Variants in RAD51B observed in about 807,000 individuals in gnomAD.
RAD51B encodes the protein RAD51 paralog B, also known as DNA repair protein RAD51 homolog 2.
RAD51B carries 38 observed loss-of-function variants against 42.2 expected under a neutral mutation model. The observed-to-expected ratio is 0.90, with a 90% confidence interval of 0.70 to 1.18. The LOEUF is 1.18. RAD51B is among the 50% of genes most tolerant of loss of function. The pLI is 0.00. For missense variants in RAD51B, 373 were observed against 400.7 expected (o/e 0.93, Z 0.59); for synonymous variants, 154 against 145.2 (o/e 1.06, Z -0.43).
chr14:67,928,654 G>A (rs1247225944), intron 7 of RAD51B, among the ~76,000 whole-genome samples: 5 of 151,928 alleles, frequency 3.3e-5, no homozygotes, highest in Admixed American at 3.3e-4. Context: ...GGCAGCAATC[G>A]CCATGTTGGC....
intron 8 of RAD51B, among the ~76,000 whole-genome samples, chr14:68,374,671 A>G (rs531016434): frequency 2.6e-5 from 4 of 151,428 alleles, no homozygotes; most frequent in African/African-American, 9.7e-5. Flanking sequence ...AATTTATCTT[A>G]AATACACGCC....
chr14:68,350,028 T>G lies in RAD51B; in HGVS notation c.853+58048T>G, dbSNP rs190131672. ...TCGGTGTCTTTGAAATCAAATACCC[T>G]GCCATTGGCATATCCAGGCTTGAAA... On this transcript the variant is annotated intron_variant, in intron 8 of 10. Coordinates refer to ENST00000471583, the MANE Select transcript of RAD51B (RefSeq NM_133510.4). Among the ~76,000 whole-genome samples, 26 of 152,342 alleles carry G rather than the reference T, an allele frequency of 1.7e-4. No homozygotes were observed. The East Asian group carries it at 5.0e-3, about 29-fold the overall frequency.
intron 9 of RAD51B, among the ~76,000 whole-genome samples, chr14:68,456,509 T>C (rs1335883033): frequency 6.6e-6 from 1 of 152,162 alleles, no homozygotes; most frequent in African/African-American, 2.4e-5. Flanking sequence ...TTTATAATTA[T>C]AAAAGGATTG....
At chr14:68,272,898 A>T (rs940496170) in intron 7 of RAD51B, among the ~76,000 whole-genome samples, 3 of 150,394 alleles carry the variant, frequency 2.0e-5, no homozygotes, top group Admixed American at 6.6e-5. Context: ...GTTAGCCAGG[A>T]TGGTCTCGAT....
intron 7 of RAD51B, among the ~76,000 whole-genome samples, chr14:68,268,420 G>T (rs2081036428): frequency 6.6e-6 from 1 of 152,216 alleles, no homozygotes; most frequent in Non-Finnish European, 1.5e-5. Flanking sequence ...CTGGTGGTGG[G>T]TTGGAAGAGA....
intron 7 of RAD51B, among the ~76,000 whole-genome samples, chr14:68,286,204 C>T (rs1421704345): frequency 6.6e-6 from 1 of 152,162 alleles, no homozygotes; most frequent in East Asian, 1.9e-4. Flanking sequence ...GGAGAGCAGG[C>T]AGGGAAGCCT....
intron 7 of RAD51B, among the ~76,000 whole-genome samples, chr14:67,986,838 T>A (rs2075202841): frequency 6.6e-6 from 1 of 152,158 alleles, no homozygotes; most frequent in African/African-American, 2.4e-5. Flanking sequence ...TTCAAGTGAT[T>A]CTCATGACTC....
At chr14:68,258,035 C>T (rs1035923204) in intron 7 of RAD51B, among the ~76,000 whole-genome samples, 2 of 151,602 alleles carry the variant, frequency 1.3e-5, no homozygotes, top group African/African-American at 4.9e-5. Flanking sequence ...TTCATAAAAC[C>T]CTGAGAGAAA....
chr14:67,824,712 A>G (rs1755901895), intron 2 of RAD51B, among the ~76,000 whole-genome samples: 1 of 151,942 alleles, frequency 6.6e-6, no homozygotes, highest in African/African-American at 2.4e-5. Flanking sequence ...GAAATTTGTT[A>G]TTTCATCCTA....
At chr14:68,416,125 C>T (rs2084551630) in intron 9 of RAD51B, among the ~76,000 whole-genome samples, 1 of 152,190 alleles carries the variant, frequency 6.6e-6, no homozygotes, top group African/African-American at 2.4e-5. Context: ...CTGATCCACA[C>T]TTGAATCTGT....
chr14:68,306,457 T>C (rs140663082), intron 8 of RAD51B, among the ~76,000 whole-genome samples: 3 of 152,242 alleles, frequency 2.0e-5, no homozygotes, highest in African/African-American at 7.2e-5. Context: ...TCCATGAGAA[T>C]GTGCAGGTCA....
chr14:68,218,848 C>T lies in RAD51B; in HGVS notation c.757-73036C>T, dbSNP rs2079868559. On this transcript the variant is annotated intron_variant, in intron 7 of 10. Transcript: ENST00000471583. Reference sequence around the variant, plus strand: ...AGAGTGTATATATATTATCAAGCCACAATATTACAACCTGACACTATTAGA... The same window carrying T: ...AGAGTGTATATATATTATCAAGCCATAATATTACAACCTGACACTATTAGA... 2.0e-5 allele frequency among the ~76,000 whole-genome samples: 3 copies of T among 152,112 alleles called. No individual in the cohort carries two copies. The South Asian group carries it at 6.2e-4, about 32-fold the overall frequency.
At chr14:68,451,026 G>A (rs528210524) in intron 9 of RAD51B, among the ~76,000 whole-genome samples, 8 of 152,236 alleles carry the variant, frequency 5.3e-5, no homozygotes, top group Non-Finnish European at 8.8e-5. Context: ...TGACTCCTGT[G>A]ATGGTCAGTA....
chr14:68,249,281 G>A (rs902444811), intron 7 of RAD51B, among the ~76,000 whole-genome samples: 1 of 152,162 alleles, frequency 6.6e-6, no homozygotes, highest in Non-Finnish European at 1.5e-5. Flanking sequence ...ATGAACTTGG[G>A]CTGCGGAAAT....
chr14:68,200,858 A>G (rs185558290), intron 7 of RAD51B, among the ~76,000 whole-genome samples: 48 of 151,950 alleles, frequency 3.2e-4, no homozygotes, highest in Non-Finnish European at 3.2e-4. Context: ...AGGTCTCGCT[A>G]TGTTGCCCAG....
At chr14:68,152,972 T>TA (rs1186571360) in intron 7 of RAD51B, among the ~76,000 whole-genome samples, 1 of 152,240 alleles carries the variant, frequency 6.6e-6, no homozygotes, top group Non-Finnish European at 1.5e-5. Context: ...ATAGTGTATA[T>TA]ATATCACATT....
At chr14:68,627,804 C>T (rs956165713) in intron 10 of RAD51B, among the ~76,000 whole-genome samples, 1 of 152,198 alleles carries the variant, frequency 6.6e-6, no homozygotes, top group Admixed American at 6.5e-5. Context: ...CTACTAATTT[C>T]CTCTTCTTTC....
rs12050420 is a variant in RAD51B at position 68,196,145 on chromosome 14, T to A, written c.757-95739T>A. Among the ~76,000 whole-genome samples, 2 of 149,846 alleles carry A rather than the reference T, an allele frequency of 1.3e-5. 1 individual carries two copies. Among genetic ancestry groups the A allele is most frequent in the South Asian group, 4.3e-4 (2 of 4,704 alleles). On this transcript the variant is annotated intron_variant, in intron 7 of 10. Coordinates refer to ENST00000471583, the MANE Select transcript of RAD51B (RefSeq NM_133510.4). ...CTTGGAGCTTGCAGTAAGCAGAGATTGCGCCACTGCACTCCAGCCTGGGCG... is the reference window on the plus strand; with the variant it reads ...CTTGGAGCTTGCAGTAAGCAGAGATAGCGCCACTGCACTCCAGCCTGGGCG...
chr14:68,339,133 G>A (rs2082521111), intron 8 of RAD51B: 1 of 704,480 alleles, frequency 1.4e-6, no homozygotes, highest in Non-Finnish European at 2.6e-6. Context: ...AGGACAGGTG[G>A]TCTCTTAGTG....
Sources: gnomAD v4.1 joint callset for allele counts (sites outside exome capture counted in the v4.1 genomes callset) on GRCh38, gnomAD v4.1.1 for gene constraint, MANE v1.5 for transcripts, NCBI Gene and HGNC (gene_info 2026-07-23, HGNC 2026-07-21) for gene names.